BMPR1B: variants seen among roughly 807,000 people sequenced by gnomAD.
BMPR1B encodes bone morphogenetic protein receptor type-1B.
In BMPR1B, 12 loss-of-function variants were observed where a neutral mutation model predicts 59.1. That is an observed-to-expected ratio of 0.20 (90% confidence interval 0.13 to 0.33). The LOEUF is 0.33. BMPR1B is among the 10% of genes least tolerant of loss of function. The probability of loss-of-function intolerance (pLI) is 1.00; values close to 1 mark genes in which losing one functional copy is unlikely to be tolerated. For synonymous variants in BMPR1B, 237 were observed against 207.3 expected (o/e 1.14, Z -1.23); for missense variants, 550 against 610.9 (o/e 0.90, Z 1.05).
In BMPR1B at chr4:94,858,102, C is replaced by T. The variant is rs180771292; in HGVS notation, c.-182-17729C>T. 2.8e-3 allele frequency among the ~76,000 whole-genome samples: 363 copies of T among 128,328 alleles called. 3 individuals are homozygous for T. The highest frequency in any genetic ancestry group is 0.011 in the African/African-American group (343 of 30,716). The allele number at this position is 128,328 out of a possible 152,430, so 84.2% of individuals were successfully genotyped here. On this transcript the variant is annotated intron_variant, in intron 1 of 12. Transcript: ENST00000515059. ...CTGGGACTACAGGTGCCCACCACCA[C>T]GCCTGGCTAATTTTTTTTTTTGTAT...
chr4:94,803,490 G>T (rs997903), intron 1 of BMPR1B, among the ~76,000 whole-genome samples: 47,482 of 152,052 alleles, frequency 0.31, 8,045 homozygotes, highest in African/African-American at 0.44. Flanking sequence ...GAGTTGACAC[G>T]TGTCTACTTA....
rs1385795359 is a variant in BMPR1B at position 94,799,678 on chromosome 4, GTTGTT to G, written c.-183+41618_-183+41622del. On this transcript the variant is annotated intron_variant, in intron 1 of 12. Transcript: ENST00000515059. ...GTGATTCAATGGGTGTCACTTTTTAGTTGTTTTGTTTTTGTTTTTGTTTTTGTTCT... is the reference window on the plus strand; with the variant it reads ...GTGATTCAATGGGTGTCACTTTTTAGTTGTTTTTGTTTTTGTTTTTGTTCT... Among the ~76,000 whole-genome samples, 3 of 150,820 alleles carry G rather than the reference GTTGTT, an allele frequency of 2.0e-5. No individual in the cohort carries two copies. In the East Asian group the frequency reaches 6.0e-4, roughly 30 times the overall value.
intron 2 of BMPR1B, among the ~76,000 whole-genome samples, chr4:94,912,599 A>G (rs1728319202): frequency 1.3e-5 from 2 of 152,096 alleles, no homozygotes; most frequent in African/African-American, 4.8e-5. Context: ...CCTAAATGCA[A>G]AGGAAGATGG....
At position 94,934,881 on chromosome 4, in the gene BMPR1B, T is replaced by C. The variant is rs1026803618; in HGVS notation, c.-113+58981T>C. Among the ~76,000 whole-genome samples, 5 of 152,124 alleles carry C rather than the reference T, an allele frequency of 3.3e-5. No homozygotes were observed. The South Asian group carries it at 1.0e-3, about 32-fold the overall frequency. ...AGTAGTACCAAATGAAACTTTCACA[T>C]TATTTAATCCAAATATGAATATGCT... is the stretch of plus-strand genomic sequence containing the variant. On this transcript the variant is annotated intron_variant, in intron 2 of 12. Transcript: ENST00000515059.
intron 2 of BMPR1B, among the ~76,000 whole-genome samples, chr4:94,888,937 A>C (rs1294922375): frequency 6.9e-6 from 1 of 145,802 alleles, no homozygotes; most frequent in Non-Finnish European, 1.5e-5. Context: ...AAAGCAAGAC[A>C]CTATAAAAAC....
intron 3 of BMPR1B, among the ~76,000 whole-genome samples, chr4:95,045,861 A>T (rs575341627): frequency 2.5e-4 from 38 of 152,280 alleles, no homozygotes; most frequent in Admixed American, 1.2e-3. Context: ...AATATAGCAA[A>T]TAGTGAATGT....
At chr4:95,128,654 T>C (rs1733076927) in intron 8 of BMPR1B, among the ~76,000 whole-genome samples, 1 of 152,218 alleles carries the variant, frequency 6.6e-6, no homozygotes, top group Non-Finnish European at 1.5e-5. Flanking sequence ...AACTTGTTAC[T>C]TTCTCTTATT....
intron 2 of BMPR1B, among the ~76,000 whole-genome samples, chr4:94,946,727 A>G (rs1729722729): frequency 6.6e-6 from 1 of 152,144 alleles, no homozygotes; most frequent in Non-Finnish European, 1.5e-5. Context: ...ATTTGGAGGT[A>G]AACCTTGTAG....
At chr4:95,028,171 C>T (rs1724558379) in intron 3 of BMPR1B, among the ~76,000 whole-genome samples, 1 of 152,064 alleles carries the variant, frequency 6.6e-6, no homozygotes, top group African/African-American at 2.4e-5. Flanking sequence ...TTGGCATCTC[C>T]CAGTTGTATA....
intron 3 of BMPR1B, among the ~76,000 whole-genome samples, chr4:95,053,794 A>G (rs972091633): frequency 5.3e-5 from 8 of 152,170 alleles, no homozygotes; most frequent in Non-Finnish European, 1.2e-4. Flanking sequence ...TATAAAGTAC[A>G]CTTGAGGTTG....
intron 3 of BMPR1B, among the ~76,000 whole-genome samples, chr4:95,087,182 C>A (rs1224184096): frequency 6.6e-6 from 1 of 151,914 alleles, no homozygotes; most frequent in Non-Finnish European, 1.5e-5. Flanking sequence ...TGTGTGCCAC[C>A]ACACCTGGCT....
chr4:95,066,511 G>T (rs931188285), intron 3 of BMPR1B, among the ~76,000 whole-genome samples: 2 of 152,204 alleles, frequency 1.3e-5, no homozygotes, highest in Non-Finnish European at 2.9e-5. Flanking sequence ...TAGCATACAG[G>T]TTAGGTAAAG....
intron 3 of BMPR1B, among the ~76,000 whole-genome samples, chr4:95,045,158 G>T (rs1256373893): frequency 6.6e-6 from 1 of 152,056 alleles, no homozygotes. Context: ...TATTAGCAGG[G>T]ATGTTTACAT....
chr4:94,881,153 A>G (rs1443152855), intron 2 of BMPR1B, among the ~76,000 whole-genome samples: 1 of 152,094 alleles, frequency 6.6e-6, no homozygotes, highest in Non-Finnish European at 1.5e-5. Context: ...ATCCATCTCA[A>G]GAACATTTTC....
Position 94,905,023 on chromosome 4 carries a change from C to T in BMPR1B, c.-113+29123C>T, listed in dbSNP as rs549480535. 2.0e-5 allele frequency among the ~76,000 whole-genome samples: 3 copies of T among 152,064 alleles called. No homozygotes were observed. In the South Asian group the frequency reaches 6.2e-4, roughly 32 times the overall value. ...AATAATTTCTATTTTTGGCAAACAC[C>T]ATGAGAATTGTTTTGGATAAATTAT... On this transcript the variant is annotated intron_variant, in intron 2 of 12. Transcript: ENST00000515059.
At chr4:95,041,611 CT>C (rs71583682) in intron 3 of BMPR1B, among the ~76,000 whole-genome samples, 131 of 145,454 alleles carry the variant, frequency 9.0e-4, no homozygotes, top group South Asian at 7.6e-3. Flanking sequence ...ACTGAATGGA[CT>C]TTTTTTTTTT....
intron 3 of BMPR1B, among the ~76,000 whole-genome samples, chr4:95,058,503 A>G (rs867528798): frequency 6.6e-6 from 1 of 152,180 alleles, no homozygotes; most frequent in African/African-American, 2.4e-5. Context: ...CACTTCCATG[A>G]TGTAGAAACT....
intron 10 of BMPR1B, among the ~76,000 whole-genome samples, chr4:95,137,280 G>C (rs1408701551): frequency 1.3e-5 from 2 of 152,182 alleles, no homozygotes; most frequent in Non-Finnish European, 2.9e-5. Flanking sequence ...GAGATAGTTT[G>C]TTATAATTTC....
intron 1 of BMPR1B, among the ~76,000 whole-genome samples, chr4:94,859,810 CTG>C (rs1725908543): frequency 6.6e-6 from 1 of 152,046 alleles, no homozygotes; most frequent in Admixed American, 6.6e-5. Flanking sequence ...TTGGCTCAGA[CTG>C]TGAGGAGATT....
Sources: allele counts gnomAD v4.1 joint callset (sites outside exome capture counted in the v4.1 genomes callset), GRCh38; gene constraint gnomAD v4.1.1; transcripts MANE v1.5; gene names NCBI Gene and HGNC (gene_info 2026-07-23, HGNC 2026-07-21).